Variants in ACCSL observed in about 807,000 individuals in gnomAD.
ACCSL encodes the protein probable inactive 1-aminocyclopropane-1-carboxylate synthase-like protein 2.
In ACCSL, 55 loss-of-function variants were observed where a neutral mutation model predicts 61.7. The observed-to-expected ratio is 0.89, with a 90% CI of 0.72 to 1.12. The LOEUF (loss-of-function observed/expected upper bound fraction) is 1.12. Ranked by LOEUF, ACCSL falls within the 50% of genes most tolerant of loss-of-function variation. ACCSL has a pLI of 0.00. For missense variants in ACCSL, 632 were observed against 698.0 expected (o/e 0.91, Z 1.07); for synonymous variants, 258 against 264.3 (o/e 0.98, Z 0.23).
At chr11:44,055,329 C>A in intron 9 of ACCSL, 38 bp downstream of exon 9, 1 of 1,525,384 alleles carries the variant, frequency 6.6e-7, no homozygotes, top group South Asian at 1.1e-5. Context: ...ACGAGAACCA[C>A]AAGGTTCTTG....
chr11:44,056,288 T>C lies in ACCSL; in HGVS notation c.1289T>C (p.Ile430Thr). ...AFGYLHSISG[I>T]TQHKLCQLLQ... ...GGCTACCTCCACAGTATTTCTGGCA[T>C]CACCCAGCACAAGCTGTGTCAACTG... is the stretch of plus-strand genomic sequence containing the variant. The change falls in exon 11 of 14, where the codon ATC becomes ACC. Residue 430 changes from isoleucine to threonine, a missense_variant. Coordinates refer to ENST00000378832, the MANE Select transcript of ACCSL (RefSeq NM_001031854.2). 6.2e-7 allele frequency: 1 copy of C among 1,614,202 alleles called. No homozygotes were observed. Among genetic ancestry groups the C allele is most frequent in the Non-Finnish European group, 8.5e-7 (1 of 1,180,040 alleles).
the ACCSL span, among the ~76,000 whole-genome samples, chr11:44,024,546 A>G: frequency 1.3e-5 from 2 of 149,722 alleles, no homozygotes; most frequent in African/African-American, 2.5e-5. Context: ...TTCCAATTTC[A>G]TTCAATTGTG....
the ACCSL span, among the ~76,000 whole-genome samples, chr11:44,018,020 T>C: frequency 6.6e-6 from 1 of 152,076 alleles, no homozygotes; most frequent in Admixed American, 6.5e-5. Context: ...AGAACTGTTT[T>C]AGGAAAAATG....
the ACCSL span, among the ~76,000 whole-genome samples, chr11:43,964,347 G>A: frequency 1.3e-5 from 2 of 151,054 alleles, no homozygotes; most frequent in African/African-American, 4.9e-5. Flanking sequence ...TGAGGCAGGA[G>A]AATCACTTGA....
At chr11:44,000,331 G>A in the ACCSL span, among the ~76,000 whole-genome samples, 1 of 151,996 alleles carries the variant, frequency 6.6e-6, no homozygotes, top group Non-Finnish European at 1.5e-5. Context: ...CGCCATGTTG[G>A]CCAGGCTGGT....
the ACCSL span, among the ~76,000 whole-genome samples, chr11:44,021,440 C>T: frequency 1.3e-5 from 2 of 152,014 alleles, no homozygotes; most frequent in Non-Finnish European, 2.9e-5. Flanking sequence ...TATTCATGTC[C>T]TTTGTCCACT....
chr11:43,948,921 C>G, the ACCSL span, among the ~76,000 whole-genome samples: 1 of 152,206 alleles, frequency 6.6e-6, no homozygotes, highest in Non-Finnish European at 1.5e-5. Context: ...CAAACATATG[C>G]ATAGCTGGAA....
chr11:44,031,384 G>A, the ACCSL span, among the ~76,000 whole-genome samples: 1 of 152,104 alleles, frequency 6.6e-6, no homozygotes. Context: ...TGTGGCCTTA[G>A]AACTTCTGAG....
chr11:43,943,399 G>A, the ACCSL span: 14 of 1,395,004 alleles, frequency 1.0e-5, no homozygotes, highest in Admixed American at 1.3e-4. The surrounding 1 kb of genome is among the most constrained non-coding windows in gnomAD (Gnocchi z 4.8). Flanking sequence ...CGCTCCTCGC[G>A]CGCTCGGACT....
the ACCSL span, among the ~76,000 whole-genome samples, chr11:43,964,129 GA>G: frequency 6.6e-6 from 1 of 151,964 alleles, no homozygotes; most frequent in Non-Finnish European, 1.5e-5. Flanking sequence ...ATCAGTAATA[GA>G]AAACTTCCCG....
the ACCSL span, chr11:43,925,476 G>C: frequency 2.2e-6 from 1 of 456,018 alleles, no homozygotes; most frequent in Non-Finnish European, 4.4e-6. Context: ...GCTTGAGGTA[G>C]CGTCGTCCTC....
At chr11:43,930,776 C>A in the ACCSL span, among the ~76,000 whole-genome samples, 1 of 152,174 alleles carries the variant, frequency 6.6e-6, no homozygotes, top group African/African-American at 2.4e-5. Flanking sequence ...CTCCTTTGAC[C>A]ACAACCCATG....
the ACCSL span, among the ~76,000 whole-genome samples, chr11:43,968,735 T>A: frequency 6.6e-6 from 1 of 152,244 alleles, no homozygotes; most frequent in African/African-American, 2.4e-5. Flanking sequence ...CTTCGTAGAT[T>A]TTTGTGGGGA....
intron 8 of ACCSL, among the ~76,000 whole-genome samples, chr11:44,054,720 G>C (rs1466561303): frequency 6.6e-6 from 1 of 152,136 alleles, no homozygotes; most frequent in Non-Finnish European, 1.5e-5. Flanking sequence ...CTCCCAAAGT[G>C]CTGGGATTAC....
At chr11:43,937,378 G>A in the ACCSL span, among the ~76,000 whole-genome samples, 34 of 152,190 alleles carry the variant, frequency 2.2e-4, no homozygotes, top group African/African-American at 7.7e-4. Flanking sequence ...GGCTAGGCGA[G>A]GCTTCTTCAA....
chr11:43,955,028 G>A, the ACCSL span, among the ~76,000 whole-genome samples: 1 of 152,298 alleles, frequency 6.6e-6, no homozygotes, highest in Admixed American at 6.5e-5. Context: ...AATGATTTTG[G>A]GGGCTGCTTT....
the ACCSL span, among the ~76,000 whole-genome samples, chr11:44,019,242 G>A: frequency 1.3e-5 from 2 of 152,318 alleles, no homozygotes; most frequent in African/African-American, 4.8e-5. Context: ...ATGAACATAT[G>A]TGTACAAGTG....
chr11:43,949,972 T>C, the ACCSL span, among the ~76,000 whole-genome samples: 1 of 152,218 alleles, frequency 6.6e-6, no homozygotes, highest in African/African-American at 2.4e-5. Flanking sequence ...GAGCTGATAG[T>C]TTACATTGAA....
chr11:43,946,492 C>T, the ACCSL span, among the ~76,000 whole-genome samples: 1 of 152,114 alleles, frequency 6.6e-6, no homozygotes, highest in East Asian at 1.9e-4. Context: ...TTCCCACCAC[C>T]CAGAGATAAA....
Sources: allele counts gnomAD v4.1 joint callset (sites outside exome capture counted in the v4.1 genomes callset), GRCh38; gene constraint gnomAD v4.1.1; non-coding constraint Gnocchi (gnomAD v3.1); transcripts MANE v1.5; gene names NCBI Gene and HGNC (gene_info 2026-07-23, HGNC 2026-07-21).